FRMD4A: variants seen among roughly 807,000 people sequenced by gnomAD.
FRMD4A encodes the protein FERM domain containing 4A.
In FRMD4A, 29 loss-of-function variants were observed where a neutral mutation model predicts 129.1. The observed-to-expected ratio is 0.22, with a 90% confidence interval of 0.17 to 0.31. The LOEUF is 0.31. FRMD4A is among the 10% of genes least tolerant of loss of function. FRMD4A has a pLI of 1.00. For synonymous variants in FRMD4A, 634 were observed against 571.6 expected (o/e 1.11, Z -1.56); for missense variants, 1,272 against 1,375.8 (o/e 0.92, Z 1.19).
chr10:13,906,052 G>T (rs916768255), intron 2 of FRMD4A, among the ~76,000 whole-genome samples: 5 of 152,240 alleles, frequency 3.3e-5, no homozygotes, highest in Non-Finnish European at 7.3e-5. Context: ...CGAGCCCCAT[G>T]ATGAGGCATA....
intron 2 of FRMD4A, among the ~76,000 whole-genome samples, chr10:14,175,697 A>T (rs910593056): frequency 1.1e-4 from 16 of 151,290 alleles, no homozygotes; most frequent in African/African-American, 3.9e-4. Flanking sequence ...ACTAATTTTT[A>T]ATTTTTTTAT....
chr10:14,173,956 A>C (rs1335612787), intron 2 of FRMD4A, among the ~76,000 whole-genome samples: 2 of 151,918 alleles, frequency 1.3e-5, no homozygotes, highest in African/African-American at 4.8e-5. Context: ...CCATGCACAG[A>C]GCCTTTTCTG....
intron 12 of FRMD4A, chr10:13,707,621 C>G (rs2087599374): frequency 1.0e-6 from 1 of 988,702 alleles, no homozygotes; most frequent in Admixed American, 5.8e-5. Flanking sequence ...TCCCAGCCTC[C>G]CATCGGGACT....
chr10:14,066,498 G>A (rs916963283), intron 2 of FRMD4A, among the ~76,000 whole-genome samples: 1 of 152,126 alleles, frequency 6.6e-6, no homozygotes, highest in Non-Finnish European at 1.5e-5. Flanking sequence ...GATAAAGAGT[G>A]TGAAGTTGTA....
chr10:13,680,724 T>TA (rs940304464), intron 15 of FRMD4A, among the ~76,000 whole-genome samples: 109 of 148,580 alleles, frequency 7.3e-4, no homozygotes, highest in Admixed American at 2.0e-3. Context: ...AGACTCCATT[T>TA]AAAAAAAAAA....
chr10:14,330,157 G>C lies in FRMD4A; in HGVS notation c.-55C>G. ...TGCCGAGTCAGTCCTCCTGGGCCCC[G>C]GGTGGCTACAGAGCATCCAAAAGCA... On this transcript the variant is annotated 5_prime_UTR_variant, in exon 2 of 25. Coordinates refer to ENST00000357447, the MANE Select transcript of FRMD4A (RefSeq NM_018027.5). 6.5e-7 allele frequency: 1 copy of C among 1,532,370 alleles called. No individual in the cohort carries two copies. The highest frequency in any genetic ancestry group is 8.8e-7 in the Non-Finnish European group (1 of 1,130,944). The allele number at this position is 1,532,370 out of a possible 1,614,324, so 94.9% of individuals were successfully genotyped here. A position where few individuals can be genotyped will look rare whatever the true frequency, so the allele number is the denominator to read the frequency against.
chr10:13,728,322 G>A (rs1470413505), intron 12 of FRMD4A, among the ~76,000 whole-genome samples: 1 of 152,068 alleles, frequency 6.6e-6, no homozygotes, highest in African/African-American at 2.4e-5. Flanking sequence ...AGAGAAACCG[G>A]CCTTGGTGAG....
intron 3 of FRMD4A, among the ~76,000 whole-genome samples, chr10:13,856,013 ACTATCTATCTAT>A (rs67479789): frequency 0.087 from 12,939 of 147,902 alleles, 621 homozygotes; most frequent in South Asian, 0.12. Context: ...ACACACAAAT[ACTATCTATCTAT>A]CTATCTATCT....
chr10:13,884,820 C>T lies in FRMD4A; in HGVS notation c.46-25908G>A, dbSNP rs185082382. ...ATGGCTAGGGTCATGACTTTATCTG[C>T]AGAACCCTTTCTGGAAGGCTAGGTG... On this transcript the variant is annotated intron_variant, in intron 2 of 24. Transcript: ENST00000357447. Among the ~76,000 whole-genome samples the T allele has an allele frequency of 1.9e-3, 293 of 152,348 alleles. 1 individual carries two copies. Among genetic ancestry groups the T allele is most frequent in the African/African-American group, 6.8e-3 (282 of 41,590 alleles).
chr10:13,883,609 G>A (rs891596597), intron 2 of FRMD4A, among the ~76,000 whole-genome samples: 1 of 152,206 alleles, frequency 6.6e-6, no homozygotes, highest in African/African-American at 2.4e-5. Flanking sequence ...TCTCTGCATG[G>A]CACAAAATCT....
At chr10:13,829,217 A>G (rs764555980) in intron 3 of FRMD4A, among the ~76,000 whole-genome samples, 1 of 152,176 alleles carries the variant, frequency 6.6e-6, no homozygotes, top group Non-Finnish European at 1.5e-5. Context: ...TTTCACATTG[A>G]TAAACAAAAC....
intron 17 of FRMD4A, chr10:13,668,182 CCTT>C (rs1564563067): frequency 6.6e-6 from 1 of 152,240 alleles, no homozygotes. Flanking sequence ...ATAATAAACT[CCTT>C]CTGAATCCTG....
intron 2 of FRMD4A, among the ~76,000 whole-genome samples, chr10:14,027,325 C>T (rs1382887920): frequency 1.3e-5 from 2 of 152,184 alleles, no homozygotes; most frequent in African/African-American, 4.8e-5. Context: ...TTTTCTAAGA[C>T]AATTTTTTGG....
At chr10:14,319,937 C>T (rs1357917950) in intron 2 of FRMD4A, among the ~76,000 whole-genome samples, 1 of 152,180 alleles carries the variant, frequency 6.6e-6, no homozygotes, top group Admixed American at 6.5e-5. Context: ...GGTCCCTGCA[C>T]CTCCAGGAGT....
At chr10:14,129,752 T>C (rs1394467704) in intron 2 of FRMD4A, among the ~76,000 whole-genome samples, 1 of 152,150 alleles carries the variant, frequency 6.6e-6, no homozygotes, top group Non-Finnish European at 1.5e-5. Context: ...CTGGGAAATA[T>C]CTGAAATATA....
chr10:13,898,417 G>T (rs541707119), intron 2 of FRMD4A, among the ~76,000 whole-genome samples: 1 of 152,142 alleles, frequency 6.6e-6, no homozygotes, highest in Non-Finnish European at 1.5e-5. Flanking sequence ...CCTGTTTAGA[G>T]GTCCAAGGTG....
rs75959387 is a variant in FRMD4A, at chr10:13,795,216, G to A, written c.299+1280C>T. 5.8e-3 allele frequency among the ~76,000 whole-genome samples: 881 copies of A among 152,260 alleles called. 23 individuals carry two copies. The East Asian group carries it at 0.094, about 16-fold the overall frequency. On this transcript the variant is annotated intron_variant, in intron 5 of 24. Transcript: ENST00000357447. ...CTGATACCACCTGCCCCTCCCAGAGGAATTGTTACTATTTGCTTTATATGG... is the reference window on the plus strand; with the variant it reads ...CTGATACCACCTGCCCCTCCCAGAGAAATTGTTACTATTTGCTTTATATGG...
Position 14,179,724 on chromosome 10 carries a change from T to C in FRMD4A, c.45+150334A>G, listed in dbSNP as rs577924055. Among the ~76,000 whole-genome samples, 7 of 152,368 alleles carry C rather than the reference T, an allele frequency of 4.6e-5. No individual in the cohort carries two copies. The South Asian group carries it at 1.4e-3, about 32-fold the overall frequency. On this transcript the variant is annotated intron_variant, in intron 2 of 24. Transcript: ENST00000357447. Reference sequence around the variant, plus strand: ...CATTCTTTCAAATTGTTTTTACATGTGTTTGCCTTTTTAAAAACCTCAGAA... The same window carrying C: ...CATTCTTTCAAATTGTTTTTACATGCGTTTGCCTTTTTAAAAACCTCAGAA...
At chr10:13,694,087 G>T in intron 14 of FRMD4A, 48 bp from the exon 15 acceptor site, 4 of 1,473,416 alleles carry the variant, frequency 2.7e-6, no homozygotes, top group Non-Finnish European at 1.8e-6. Flanking sequence ...TCACCTTGCG[G>T]AAAGGACAGT....
Sources: gnomAD v4.1 joint callset for allele counts (sites outside exome capture counted in the v4.1 genomes callset) on GRCh38, gnomAD v4.1.1 for gene constraint, MANE v1.5 for transcripts, NCBI Gene and HGNC (gene_info 2026-07-23, HGNC 2026-07-21) for gene names.